The following DUS2 variants were observed in gnomAD, a reference collection of about 807,000 sequenced individuals.
DUS2 encodes the protein dihydrouridine synthase 2, also known as tRNA-dihydrouridine(20) synthase [NAD(P)+]-like.
Under a neutral mutation model 71.3 loss-of-function variants are expected in DUS2, and 52 were observed. That is an observed-to-expected ratio of 0.73 (90% CI 0.58 to 0.92). The LOEUF is 0.92. Ranked by LOEUF, DUS2 falls within the 40% of genes least tolerant of loss-of-function variation. The pLI, the probability that DUS2 is intolerant of heterozygous loss-of-function variation, is 0.00. For missense variants in DUS2, 558 were observed against 622.6 expected, an observed-to-expected ratio of 0.90 and a Z score of 1.10; for synonymous variants, 204 against 227.8, an observed-to-expected ratio of 0.90 and a Z score of 0.94.
At chr16:68,054,304 T>C (rs1598309626) in intron 5 of DUS2, among the ~76,000 whole-genome samples, 1 of 152,212 alleles carries the variant, frequency 6.6e-6, no homozygotes, top group African/African-American at 2.4e-5. Context: ...AAATGGTGAG[T>C]GTTTGAATGG....
intron 3 of DUS2, 37 bp downstream of exon 3, chr16:68,038,186 A>T (rs1432421611): frequency 3.7e-6 from 6 of 1,610,468 alleles, no homozygotes; most frequent in Admixed American, 1.7e-5. Flanking sequence ...GCTTCTCCAC[A>T]AGTACAGACT....
At chr16:68,038,874 CTCTA>C (rs1300373001) in intron 3 of DUS2, among the ~76,000 whole-genome samples, 2 of 151,178 alleles carry the variant, frequency 1.3e-5, no homozygotes, top group African/African-American at 4.8e-5. Flanking sequence ...TATAGTGAGA[CTCTA>C]TCTCTTTTTT....
chr16:68,046,549 T>C (rs1954890881), intron 3 of DUS2, among the ~76,000 whole-genome samples: 1 of 152,130 alleles, frequency 6.6e-6, no homozygotes, highest in East Asian at 1.9e-4. Flanking sequence ...GGCTAATTTT[T>C]GTTGGCATAA....
chr16:68,051,130 T>C (rs74796394), intron 4 of DUS2, among the ~76,000 whole-genome samples: 7,085 of 152,286 alleles, frequency 0.047, 520 homozygotes, highest in African/African-American at 0.16. Flanking sequence ...CCACGTTCAG[T>C]CTTTTTCATG....
chr16:68,064,505 G>A (rs2033979979), intron 8 of DUS2, among the ~76,000 whole-genome samples: 1 of 152,252 alleles, frequency 6.6e-6, no homozygotes, highest in Admixed American at 6.5e-5. Context: ...ACCAGCTGGT[G>A]TTGCTTAAAT....
chr16:68,027,922 A>G (rs1478779587), intron 2 of DUS2, among the ~76,000 whole-genome samples: 2 of 152,164 alleles, frequency 1.3e-5, no homozygotes, highest in East Asian at 1.9e-4. Context: ...AACTAGAAAT[A>G]TTTAAGAATA....
intron 6 of DUS2, among the ~76,000 whole-genome samples, chr16:68,055,911 C>G (rs1278384268): frequency 1.3e-5 from 2 of 151,572 alleles, no homozygotes; most frequent in Admixed American, 6.6e-5. Flanking sequence ...CTTTTGACAT[C>G]TAAGAATTGT....
In DUS2 at chr16:68,053,584, T is replaced by A; in HGVS notation, c.193T>A (p.Phe65Ile). 2 of 1,614,210 alleles carry A rather than the reference T, an allele frequency of 1.2e-6. No homozygotes were observed. Among genetic ancestry groups the A allele is most frequent in the South Asian group, 1.1e-5 (1 of 91,084 alleles). The change falls in exon 5 of 17, where the codon TTT becomes ATT. Residue 65 changes from phenylalanine (F) to isoleucine (I), a missense_variant. Coordinates refer to ENST00000565263, the MANE Select transcript of DUS2 (RefSeq NM_017803.5). The stretch of plus-strand genomic sequence containing the variant: ...TGCAGAGGTGCTCAGCACAGTGGAC[T>A]TTGTCGCCCCTGATGATCGAGTTGT... ...VVNEVLSTVDFVAPDDRVVFR... is the reference protein window; with the variant it reads ...VVNEVLSTVDIVAPDDRVVFR...
intron 2 of DUS2, among the ~76,000 whole-genome samples, chr16:68,034,671 T>G (rs2033490588): frequency 6.6e-6 from 1 of 152,132 alleles, no homozygotes; most frequent in Non-Finnish European, 1.5e-5. Flanking sequence ...GGCCTCTTTG[T>G]GACTGTTTAG....
At chr16:68,075,012 T>C (rs997383971) in intron 13 of DUS2, among the ~76,000 whole-genome samples, 2 of 152,226 alleles carry the variant, frequency 1.3e-5, no homozygotes, top group Non-Finnish European at 2.9e-5. Flanking sequence ...TGGGCCCATG[T>C]GCTTGATCAG....
chr16:68,042,223 T>G (rs1400170183), intron 3 of DUS2, among the ~76,000 whole-genome samples: 1 of 152,218 alleles, frequency 6.6e-6, no homozygotes, highest in Non-Finnish European at 1.5e-5. Context: ...TGAATAATAC[T>G]CTATTGTATG....
intron 15 of DUS2, among the ~76,000 whole-genome samples, chr16:68,077,153 C>T (rs2034170311): frequency 6.6e-6 from 1 of 151,724 alleles, no homozygotes; most frequent in Admixed American, 6.6e-5. Flanking sequence ...ACTTGGGAGG[C>T]TGAGGCAGAG....
At chr16:68,066,936 TTGAG>T (rs2034014091) in intron 10 of DUS2, among the ~76,000 whole-genome samples, 1 of 151,906 alleles carries the variant, frequency 6.6e-6, no homozygotes, top group Non-Finnish European at 1.5e-5. Flanking sequence ...ATGCTAGAGA[TTGAG>T]TAATTTGCTC....
At chr16:68,051,128 A>C (rs1253889218) in intron 4 of DUS2, among the ~76,000 whole-genome samples, 1 of 152,236 alleles carries the variant, frequency 6.6e-6, no homozygotes, top group East Asian at 1.9e-4. Context: ...TGCCACGTTC[A>C]GTCTTTTTCA....
intron 7 of DUS2, among the ~76,000 whole-genome samples, chr16:68,056,894 TTACA>T (rs1455571762): frequency 7.0e-6 from 1 of 143,610 alleles, no homozygotes; most frequent in Non-Finnish European, 1.5e-5. Context: ...GTATATTATA[TTACA>T]TATATATTTA....
At chr16:68,035,002 T>TA (rs940357506) in intron 2 of DUS2, among the ~76,000 whole-genome samples, 9 of 148,704 alleles carry the variant, frequency 6.1e-5, no homozygotes, top group East Asian at 5.9e-4. Context: ...AGACTCTGTT[T>TA]AAAAAAAAAA....
chr16:68,032,916 A>AG (rs2033461300), intron 2 of DUS2, among the ~76,000 whole-genome samples: 1 of 146,706 alleles, frequency 6.8e-6, no homozygotes. Flanking sequence ...CTCAAAAAAA[A>AG]AAAAAAAAAA....
chr16:68,059,773 C>G (rs1335709309), intron 7 of DUS2, among the ~76,000 whole-genome samples: 1 of 152,086 alleles, frequency 6.6e-6, no homozygotes, highest in Non-Finnish European at 1.5e-5. Context: ...TTGCCTTCAT[C>G]TCACTCTTAA....
At chr16:68,064,624 G>T (rs1203529615) in intron 8 of DUS2, among the ~76,000 whole-genome samples, 1 of 152,170 alleles carries the variant, frequency 6.6e-6, no homozygotes, top group African/African-American at 2.4e-5. Flanking sequence ...TGTATTTCTT[G>T]ATGAACCTGT....
Sources: allele counts gnomAD v4.1 joint callset (sites outside exome capture counted in the v4.1 genomes callset), GRCh38; gene constraint gnomAD v4.1.1; transcripts MANE v1.5; gene names NCBI Gene and HGNC (gene_info 2026-07-23, HGNC 2026-07-21).